The following DZIP1 variants were observed in gnomAD, a reference collection of about 807,000 sequenced individuals.
DZIP1 encodes the protein DAZ interacting zinc finger protein 1.
Under a neutral mutation model 107.6 loss-of-function variants are expected in DZIP1, and 97 were observed. That is an observed-to-expected ratio of 0.90 (90% CI 0.77 to 1.07). DZIP1 has a LOEUF of 1.07. Ranked by LOEUF, DZIP1 falls within the 50% of genes least tolerant of loss-of-function variation. The pLI is 0.00. For missense variants in DZIP1, 1,035 were observed against 1,063.6 expected (o/e 0.97, Z 0.37); for synonymous variants, 390 against 386.4 (o/e 1.01, Z -0.11).
chr13:95,605,366 T>C (rs567076842), intron 14 of DZIP1, among the ~76,000 whole-genome samples: 6 of 152,328 alleles, frequency 3.9e-5, no homozygotes, highest in African/African-American at 1.2e-4. Flanking sequence ...TTAAAGAACA[T>C]ACTATAAAAA....
rs957810301 is a variant in DZIP1 at position 95,642,510 on chromosome 13, G to GA, written c.-212-270dup. On this transcript the variant is annotated intron_variant, in intron 3 of 22. Coordinates refer to ENST00000376829, the MANE Select transcript of DZIP1 (RefSeq NM_198968.4). ...ATTCATTCCATCATTAATAGAAAAAGAAAAAAAAAGTAGTATCTATTCATC... is the reference window on the plus strand; with the variant it reads ...ATTCATTCCATCATTAATAGAAAAAGAAAAAAAAAAGTAGTATCTATTCATC... 5.3e-5 allele frequency among the ~76,000 whole-genome samples: 8 copies of GA among 150,512 alleles called. No individual in the cohort carries two copies. In the East Asian group the frequency reaches 7.8e-4, roughly 15 times the overall value.
intron 13 of DZIP1, among the ~76,000 whole-genome samples, chr13:95,608,548 G>A (rs2044862798): frequency 1.3e-5 from 2 of 150,270 alleles, no homozygotes; most frequent in South Asian, 4.2e-4. Flanking sequence ...TGACCTTTCT[G>A]TCCTTCTCTG....
In DZIP1 at chr13:95,604,181, C is replaced by T. The variant is rs1223637423; in HGVS notation, c.1477+1822G>A. On this transcript the variant is annotated intron_variant, in intron 14 of 22. Transcript: ENST00000376829. ...CCCCCACCTCCCACCTGTAAACTTCCGCATCAGTCTGTTTCCCAGGGGACC... is the reference window on the plus strand; with the variant it reads ...CCCCCACCTCCCACCTGTAAACTTCTGCATCAGTCTGTTTCCCAGGGGACC... Among the ~76,000 whole-genome samples, 6 of 152,224 alleles carry T rather than the reference C, an allele frequency of 3.9e-5. 1 individual carries two copies. In the South Asian group the frequency reaches 6.2e-4, roughly 16 times the overall value.
At position 95,578,212 on chromosome 13, in the gene DZIP1, TA is replaced by T; in HGVS notation, c.*4021del. Reference sequence around the variant, plus strand: ...AATCATTTTCTGTTGTGGCTTTCTATAAAAAATAAACAGTTTATTTACAGGA... The same window carrying T: ...AATCATTTTCTGTTGTGGCTTTCTATAAAAATAAACAGTTTATTTACAGGA... On this transcript the variant is annotated 3_prime_UTR_variant, in exon 23 of 23. Coordinates refer to ENST00000376829, the MANE Select transcript of DZIP1 (RefSeq NM_198968.4). 1 of 389,840 alleles carries T rather than the reference TA, an allele frequency of 2.6e-6. No individual in the cohort carries two copies. The highest frequency in any genetic ancestry group is 4.5e-4 in the Middle Eastern group (1 of 2,222). 24.1% of individuals were successfully genotyped at this position (389,840 alleles called of 1,614,324 possible).
intron 9 of DZIP1, 138 bp downstream of exon 9, chr13:95,622,205 T>C (rs1231585213): frequency 2.8e-6 from 3 of 1,064,140 alleles, no homozygotes; most frequent in East Asian, 2.5e-5. Context: ...AGGCATGCTG[T>C]AGGAGAAAAA....
chr13:95,584,569 A>G, intron 22 of DZIP1, 167 bp downstream of exon 22: 1 of 1,266,010 alleles, frequency 7.9e-7, no homozygotes, highest in Non-Finnish European at 1.0e-6. Flanking sequence ...ATATATATGA[A>G]TCAGTGAGTT....
rs1192637134 is a variant in DZIP1 at position 95,641,742 on chromosome 13, C to T, written c.150G>A (p.Ala50=). ...GGAAGAAGGGCAGGGGCCCCGAAGC[C>T]GCGCTGGGGGGCGCACAGGCCATGG... The part of the protein sequence containing the change: ...AASMACAPPS[A]ASGPLPFFQF... Residue 50 remains alanine, a synonymous_variant, in exon 5 of 23, where the codon GCG becomes GCA. Coordinates refer to ENST00000376829, the MANE Select transcript of DZIP1 (RefSeq NM_198968.4). This position sits in a 1 kb window ranked among gnomAD's most constrained non-coding sequence, Gnocchi z 4.3. 3.8e-6 allele frequency: 6 copies of T among 1,590,326 alleles called. No individual in the cohort carries two copies. The African/African-American group carries it at 8.0e-5, about 21-fold the overall frequency.
In DZIP1 at chr13:95,582,203, G is replaced by A. The variant is rs2044025070; in HGVS notation, c.*31C>T. ...AACACTGTGATACTGAAATACTGCT[G>A]GCTTCTGGAATAATCTTCTGACATG... On this transcript the variant is annotated 3_prime_UTR_variant, in exon 23 of 23. Transcript: ENST00000376829. 10 of 1,601,982 alleles carry A rather than the reference G, an allele frequency of 6.2e-6. No individual in the cohort carries two copies. The highest frequency in any genetic ancestry group is 8.6e-6 in the Non-Finnish European group (10 of 1,169,098).
At chr13:95,595,838 C>T (rs2044438178) in intron 15 of DZIP1, among the ~76,000 whole-genome samples, 1 of 152,192 alleles carries the variant, frequency 6.6e-6, no homozygotes, top group African/African-American at 2.4e-5. Context: ...CTTGGGGCCA[C>T]ATACAGGGGC....
At chr13:95,607,201 C>G (rs570117741) in intron 13 of DZIP1, among the ~76,000 whole-genome samples, 2 of 152,116 alleles carry the variant, frequency 1.3e-5, no homozygotes, top group Admixed American at 6.5e-5. Context: ...CATGCGGCAC[C>G]ATGCTCAGCT....
chr13:95,638,089 T>C (rs2139451942), intron 5 of DZIP1, among the ~76,000 whole-genome samples: 1 of 147,190 alleles, frequency 6.8e-6, no homozygotes, highest in South Asian at 2.2e-4. Flanking sequence ...TTCAATCTTT[T>C]TTTTTTTTTT....
chr13:95,641,780 C>G lies in DZIP1; in HGVS notation c.112G>C (p.Ala38Pro). ...GCACAGGCCATGGAGGCCGCACCCG[C>G]GGCGGCGGCGGCCACAGCGACGTCG... ...GPDVAVAAAA[A>P]GAASMACAPP... The change falls in exon 5 of 23, where the codon GCG (alanine) becomes CCG (proline). Residue 38 changes from alanine to proline, a missense_variant. Transcript: ENST00000376829. The surrounding 1 kb of genome is among the most constrained non-coding windows in gnomAD (Gnocchi z 4.3). The G allele has an allele frequency of 1.3e-6, 2 of 1,518,722 alleles. No homozygotes were observed. Among genetic ancestry groups the G allele is most frequent in the East Asian group, 2.4e-5 (1 of 41,540 alleles). The allele number at this position is 1,518,722 out of a possible 1,614,324, so 94.1% of individuals were successfully genotyped here.
Position 95,641,190 on chromosome 13 carries a change from A to T in DZIP1, c.597+105T>A, listed in dbSNP as rs1390054099. 2 of 1,456,566 alleles carry T rather than the reference A, an allele frequency of 1.4e-6. No individual in the cohort carries two copies. The highest frequency in any genetic ancestry group is 2.8e-5 in the African/African-American group (2 of 70,550). 90.2% of individuals were successfully genotyped at this position (1,456,566 alleles called of 1,614,324 possible). A position where few individuals can be genotyped will look rare whatever the true frequency, so the allele number is the denominator to read the frequency against. On this transcript the variant is annotated intron_variant, in intron 5 of 22. Transcript: ENST00000376829. The surrounding 1 kb of genome is among the most constrained non-coding windows in gnomAD (Gnocchi z 4.3). ...AAATATACTGTGTCTTCTGATATACAATATAAATCTTTAAGAAGAAAGAGT... is the reference window on the plus strand; with the variant it reads ...AAATATACTGTGTCTTCTGATATACTATATAAATCTTTAAGAAGAAAGAGT...
chr13:95,642,105 G>C lies in DZIP1; in HGVS notation c.-76C>G. 1 of 1,435,048 alleles carries C rather than the reference G, an allele frequency of 7.0e-7. No homozygotes were observed. Among genetic ancestry groups the C allele is most frequent in the Non-Finnish European group, 9.1e-7 (1 of 1,101,358 alleles). The allele number at this position is 1,435,048 out of a possible 1,614,324, so 88.9% of individuals were successfully genotyped here. Reference sequence around the variant, plus strand: ...GCCGCCACAGCCCTCAGGAGCGGGAGAAGGCCGGGTTCCTCGCTTCCGCGG... The same window carrying C: ...GCCGCCACAGCCCTCAGGAGCGGGACAAGGCCGGGTTCCTCGCTTCCGCGG... On this transcript the variant is annotated 5_prime_UTR_variant, in exon 4 of 23. Coordinates refer to ENST00000376829, the MANE Select transcript of DZIP1 (RefSeq NM_198968.4).
chr13:95,642,147 TCTGGGCGTCC>T lies in DZIP1; in HGVS notation c.-128_-119del. The T allele has an allele frequency of 7.4e-7, 1 of 1,342,694 alleles. No individual in the cohort carries two copies. The highest frequency in any genetic ancestry group is 3.0e-5 in the East Asian group (1 of 32,904). 83.2% of individuals were successfully genotyped at this position (1,342,694 alleles called of 1,614,324 possible). ...CTTCCGCGGCGGCGGCGGCCTAAGG[TCTGGGCGTCC>T]AGGACGTTGCTATAGCAGCGCCCAG... On this transcript the variant is annotated 5_prime_UTR_variant, in exon 4 of 23. Transcript: ENST00000376829.
chr13:95,587,590 C>T lies in DZIP1; in HGVS notation c.2167G>A (p.Gly723Arg). ...GKNTVKSDAD[G>R]TEGSEIEDTD... ...TCCTCGATTTCGCTTCCCTCGGTCC[C>T]GTCCGCGTCACTTTTCACTGTGTTC... Residue 723 changes from glycine to arginine, a missense_variant, in exon 20 of 23, where the codon GGG becomes AGG. Physicochemically the swap from Gly to Arg is moderately radical, Grantham distance 125. Coordinates refer to ENST00000376829, the MANE Select transcript of DZIP1 (RefSeq NM_198968.4). 1.2e-6 allele frequency: 2 copies of T among 1,614,090 alleles called. No homozygotes were observed.
rs1332440801 is a variant in DZIP1 at position 95,641,931 on chromosome 13, G to A, written c.36+63C>T. 2.0e-6 allele frequency: 3 copies of A among 1,497,202 alleles called. No homozygotes were observed. Among genetic ancestry groups the A allele is most frequent in the African/African-American group, 2.9e-5 (2 of 68,262 alleles). 92.7% of individuals were successfully genotyped at this position (1,497,202 alleles called of 1,614,324 possible). ...CAGGCTGGGGAGCTGGGGGTCCGGG[G>A]AAGCCCCGGTTCTCCCCAGCCCGGC... On this transcript the variant is annotated intron_variant, in intron 4 of 22. Transcript: ENST00000376829. This position sits in a 1 kb window ranked among gnomAD's most constrained non-coding sequence, Gnocchi z 4.3.
chr13:95,582,786 C>G (rs2044045165), intron 22 of DZIP1, among the ~76,000 whole-genome samples: 2 of 152,164 alleles, frequency 1.3e-5, no homozygotes, highest in African/African-American at 4.8e-5. Flanking sequence ...TGATTTTGAG[C>G]CAGTGAAATA....
At position 95,641,550 on chromosome 13, in the gene DZIP1, G is replaced by C. The variant is rs1465344955; in HGVS notation, c.342C>G (p.Asp114Glu). 1 of 1,613,932 alleles carries C rather than the reference G, an allele frequency of 6.2e-7. No homozygotes were observed. The highest frequency in any genetic ancestry group is 1.1e-5 in the South Asian group (1 of 91,088). ...EKCPHCQSGV[D>E]PVLLKLIRLA... ...GACGGATGAGCTTCAGCAGCACCGG[G>C]TCCACCCCCGACTGGCAGTGTGGGC... The change falls in exon 5 of 23, where the codon GAC becomes GAG. Residue 114 changes from aspartate (D) to glutamate (E), a missense_variant. Transcript: ENST00000376829. This position sits in a 1 kb window ranked among gnomAD's most constrained non-coding sequence, Gnocchi z 4.3.
Sources: gnomAD v4.1 joint callset for allele counts (sites outside exome capture counted in the v4.1 genomes callset) on GRCh38, gnomAD v4.1.1 for gene constraint, Gnocchi (gnomAD v3.1) non-coding constraint, MANE v1.5 for transcripts, NCBI Gene and HGNC (gene_info 2026-07-23, HGNC 2026-07-21) for gene names.